The following COMMD10 variants were observed in gnomAD, a reference collection of about 807,000 sequenced individuals.
The protein encoded by COMMD10 is COMM domain containing 10.
A neutral mutation model predicts 28.9 loss-of-function variants in COMMD10; 33 were observed. The observed-to-expected ratio is 1.14, with a 90% CI of 0.87 to 1.53. The LOEUF is 1.53. COMMD10 is among the 40% of genes most tolerant of loss of function. COMMD10 has a pLI of 0.00. For missense variants in COMMD10, 310 were observed against 233.4 expected (o/e 1.33, Z -2.14); for synonymous variants, 110 against 81.7 (o/e 1.35, Z -1.87).
intron 5 of COMMD10, among the ~76,000 whole-genome samples, chr5:116,166,651 G>A (rs1292107351): frequency 6.6e-6 from 1 of 152,148 alleles, no homozygotes; most frequent in Non-Finnish European, 1.5e-5. Context: ...GAAGGAACAG[G>A]CAGCAATCTT....
At chr5:116,086,108 G>A (rs1475622272) in intron 1 of COMMD10, among the ~76,000 whole-genome samples, 2 of 152,166 alleles carry the variant, frequency 1.3e-5, no homozygotes, top group African/African-American at 4.8e-5. Context: ...GATTCCATTG[G>A]TTACTTGGTG....
At chr5:116,246,936 G>A (rs186509484) in intron 5 of COMMD10, among the ~76,000 whole-genome samples, 5 of 152,060 alleles carry the variant, frequency 3.3e-5, no homozygotes, top group African/African-American at 9.6e-5. Context: ...TCATGATGAA[G>A]ACACCGAAAG....
chr5:116,097,746 C>T (rs1300730069), intron 4 of COMMD10, among the ~76,000 whole-genome samples: 1 of 152,030 alleles, frequency 6.6e-6, no homozygotes, highest in African/African-American at 2.4e-5. Flanking sequence ...CCTCAGGAAA[C>T]TTACAGTCAT....
At chr5:116,139,911 A>G (rs1344429032) in intron 5 of COMMD10, among the ~76,000 whole-genome samples, 2 of 151,636 alleles carry the variant, frequency 1.3e-5, no homozygotes, top group African/African-American at 4.8e-5. Flanking sequence ...CGTAAAATCT[A>G]TTTTCCTAGC....
At chr5:116,162,583 C>G (rs1752951948) in intron 5 of COMMD10, among the ~76,000 whole-genome samples, 4 of 152,108 alleles carry the variant, frequency 2.6e-5, no homozygotes, top group South Asian at 2.1e-4. Flanking sequence ...TAGATTTTCT[C>G]TTTTTATCAT....
At chr5:116,211,481 C>T (rs534662739) in intron 5 of COMMD10, among the ~76,000 whole-genome samples, 1 of 152,224 alleles carries the variant, frequency 6.6e-6, no homozygotes, top group South Asian at 2.1e-4. Flanking sequence ...TACAGCATCA[C>T]TAGGCCATAG....
chr5:116,149,052 C>G (rs1333292057), intron 5 of COMMD10, among the ~76,000 whole-genome samples: 1 of 133,072 alleles, frequency 7.5e-6, no homozygotes, highest in Admixed American at 8.7e-5. Context: ...CTTCCTGTGT[C>G]CATGTGTTCT....
rs540995666 is a variant in COMMD10, at chr5:116,235,879, C to T, written c.511-55638C>T. On this transcript the variant is annotated intron_variant, in intron 5 of 6. Transcript: ENST00000274458. ...TCGCTTGATACTTGCTCAGCCCTTC[C>T]ATCTTAAAATCAATAGTTTTCTTCA... 4.1e-4 allele frequency among the ~76,000 whole-genome samples: 63 copies of T among 152,222 alleles called. 1 individual carries two copies. Among genetic ancestry groups the T allele is most frequent in the Admixed American group, 1.8e-3 (28 of 15,292 alleles).
chr5:116,222,552 G>GTT (rs1749289095), intron 5 of COMMD10, among the ~76,000 whole-genome samples: 1 of 152,052 alleles, frequency 6.6e-6, no homozygotes, highest in Non-Finnish European at 1.5e-5. Context: ...TGTTTTATGA[G>GTT]GGAATTTAAT....
chr5:116,166,563 A>G (rs1753106887), intron 5 of COMMD10, among the ~76,000 whole-genome samples: 2 of 152,208 alleles, frequency 1.3e-5, no homozygotes, highest in Admixed American at 1.3e-4. Context: ...ACCTCCCAGC[A>G]GGGGTTGACA....
At chr5:116,264,703 C>T (rs1750537796) in intron 5 of COMMD10, among the ~76,000 whole-genome samples, 1 of 151,846 alleles carries the variant, frequency 6.6e-6, no homozygotes, top group African/African-American at 2.4e-5. Context: ...CTTTTCTTAA[C>T]ATTTTTTTTC....
Position 116,267,156 on chromosome 5 carries a change from G to T in COMMD10, c.511-24361G>T, listed in dbSNP as rs541821466. Among the ~76,000 whole-genome samples the T allele has an allele frequency of 7.2e-5, 11 of 151,852 alleles. No individual in the cohort carries two copies. The East Asian group carries it at 1.7e-3, about 24-fold the overall frequency. On this transcript the variant is annotated intron_variant, in intron 5 of 6. Coordinates refer to ENST00000274458, the MANE Select transcript of COMMD10 (RefSeq NM_016144.4). Reference sequence around the variant, plus strand: ...CAATTAGGAAAAGAGGAAGTCAAATGGTCCCTGTTTGCAGATGACATGATT... The same window carrying T: ...CAATTAGGAAAAGAGGAAGTCAAATTGTCCCTGTTTGCAGATGACATGATT...
intron 5 of COMMD10, among the ~76,000 whole-genome samples, chr5:116,200,500 G>A (rs1368200586): frequency 1.3e-5 from 2 of 151,892 alleles, no homozygotes; most frequent in Admixed American, 1.3e-4. Flanking sequence ...AGTCACTATT[G>A]CTTTACATTT....
intron 5 of COMMD10, among the ~76,000 whole-genome samples, chr5:116,171,309 A>G (rs1753324921): frequency 6.6e-6 from 1 of 152,334 alleles, no homozygotes; most frequent in East Asian, 1.9e-4. Context: ...AATGGCGATC[A>G]TTAAAAAGTC....
intron 5 of COMMD10, among the ~76,000 whole-genome samples, chr5:116,245,666 G>C (rs933695769): frequency 2.6e-5 from 4 of 152,020 alleles, no homozygotes; most frequent in African/African-American, 9.7e-5. Context: ...TTTATCCCTG[G>C]GCTGCAAGGT....
chr5:116,102,782 C>A (rs113831414), intron 4 of COMMD10, among the ~76,000 whole-genome samples: 11 of 152,266 alleles, frequency 7.2e-5, no homozygotes, highest in African/African-American at 2.4e-4. Flanking sequence ...CCGTCATCTA[C>A]ATTAGGTATT....
At chr5:116,203,883 C>G (rs1297418787) in intron 5 of COMMD10, among the ~76,000 whole-genome samples, 1 of 151,882 alleles carries the variant, frequency 6.6e-6, no homozygotes, top group Non-Finnish European at 1.5e-5. Flanking sequence ...CAAATTCACA[C>G]ATAACAATAT....
At chr5:116,186,146 A>G (rs915690527) in intron 5 of COMMD10, among the ~76,000 whole-genome samples, 1 of 152,134 alleles carries the variant, frequency 6.6e-6, no homozygotes, top group Non-Finnish European at 1.5e-5. Context: ...CCAAGCATCG[A>G]ATGAAGGTAA....
At chr5:116,097,987 G>A (rs1251424324) in intron 4 of COMMD10, among the ~76,000 whole-genome samples, 1 of 152,156 alleles carries the variant, frequency 6.6e-6, no homozygotes, top group Admixed American at 6.6e-5. Context: ...AATTGCACAT[G>A]AGATTTGTTG....
Sources: gnomAD v4.1 joint callset for allele counts (sites outside exome capture counted in the v4.1 genomes callset) on GRCh38, gnomAD v4.1.1 for gene constraint, MANE v1.5 for transcripts, NCBI Gene and HGNC (gene_info 2026-07-23, HGNC 2026-07-21) for gene names.